The following DPYD variants were observed in gnomAD, a reference collection of about 807,000 sequenced individuals.
DPYD encodes the protein dihydropyrimidine dehydrogenase.
DPYD carries 109 observed loss-of-function variants against 116.2 expected under a neutral mutation model. The ratio of observed to expected loss-of-function variants is 0.94; its 90% confidence interval spans 0.80 to 1.10. The LOEUF is 1.10. Among genes scored for constraint, DPYD ranks in the 50% least tolerant of loss-of-function variants. The probability of loss-of-function intolerance (pLI) is 0.00; values close to 1 mark genes in which losing one functional copy is unlikely to be tolerated. For missense variants in DPYD, 1,302 were observed against 1,254.5 expected, an observed-to-expected ratio of 1.04 and a Z score of -0.57; for synonymous variants, 440 against 432.0, an observed-to-expected ratio of 1.02 and a Z score of -0.23.
At chr1:97,292,948 T>TA (rs1295167762) in intron 18 of DPYD, among the ~76,000 whole-genome samples, 1 of 151,922 alleles carries the variant, frequency 6.6e-6, no homozygotes, top group African/African-American at 2.4e-5. Context: ...TGGAGTAAAC[T>TA]AAAAAAAAGA....
intron 13 of DPYD, among the ~76,000 whole-genome samples, chr1:97,453,764 T>C (rs1174775257): frequency 6.6e-6 from 1 of 152,120 alleles, no homozygotes; most frequent in Non-Finnish European, 1.5e-5. Context: ...TGGTTTATTT[T>C]TCTCTTCTAC....
intron 2 of DPYD, among the ~76,000 whole-genome samples, chr1:97,842,090 G>A (rs2101537138): frequency 6.6e-6 from 1 of 151,864 alleles, no homozygotes; most frequent in South Asian, 2.1e-4. Context: ...TACTATTAGT[G>A]GAATTTCACT....
intron 1 of DPYD, among the ~76,000 whole-genome samples, chr1:97,918,594 C>T (rs1168516267): frequency 1.3e-5 from 2 of 152,112 alleles, no homozygotes; most frequent in Non-Finnish European, 2.9e-5. Context: ...ATATTGGATT[C>T]AGACTAGAAA....
intron 18 of DPYD, among the ~76,000 whole-genome samples, chr1:97,273,116 T>C (rs190556916): frequency 6.6e-6 from 1 of 152,266 alleles, no homozygotes; most frequent in Non-Finnish European, 1.5e-5. Context: ...GCCAAATAGT[T>C]ATTTCAAACA....
chr1:97,868,014 C>A (rs1357653233), intron 2 of DPYD, among the ~76,000 whole-genome samples: 1 of 151,530 alleles, frequency 6.6e-6, no homozygotes, highest in African/African-American at 2.4e-5. Flanking sequence ...TAAACAAATT[C>A]TGTAAATTTA....
Position 97,382,477 on chromosome 1 carries a change from C to A in DPYD, c.1906-16G>T, listed in dbSNP as rs751347612. ...CAATCACAATCTTTAAAAAGAAAAA[C>A]AAAAGAATATAAGTTCAAGTAGTTA... On this transcript the variant is annotated splice_polypyrimidine_tract_variant and intron_variant, in intron 14 of 22. Coordinates refer to ENST00000370192, the MANE Select transcript of DPYD (RefSeq NM_000110.4). The A allele has an allele frequency of 6.5e-7, 1 of 1,530,910 alleles. No individual in the cohort carries two copies. The highest frequency in any genetic ancestry group is 8.9e-7 in the Non-Finnish European group (1 of 1,122,542). The allele number at this position is 1,530,910 out of a possible 1,614,324, so 94.8% of individuals were successfully genotyped here.
At chr1:97,504,750 T>G (rs187756911) in intron 13 of DPYD, among the ~76,000 whole-genome samples, 117 of 152,186 alleles carry the variant, frequency 7.7e-4, no homozygotes, top group Non-Finnish European at 1.3e-3. Context: ...TTAAAATTCA[T>G]TATATTGCTG....
chr1:97,787,224 T>C (rs1035610234), intron 3 of DPYD, among the ~76,000 whole-genome samples: 2 of 152,198 alleles, frequency 1.3e-5, no homozygotes, highest in African/African-American at 4.8e-5. Context: ...GGATACTTGA[T>C]ATTGGCAGTG....
In DPYD at chr1:97,383,485, A is replaced by AG. The variant is rs1481981054; in HGVS notation, c.1906-1025_1906-1024insC. ...AGCGAGACTCTGTCTCAAAAAAAAAAAAAGAAAAAAAGAAAAAAAGAAAAG... is the reference window on the plus strand; with the variant it reads ...AGCGAGACTCTGTCTCAAAAAAAAAAGAAAGAAAAAAAGAAAAAAAGAAAAG... On this transcript the variant is annotated intron_variant, in intron 14 of 22. Coordinates refer to ENST00000370192, the MANE Select transcript of DPYD (RefSeq NM_000110.4). Among the ~76,000 whole-genome samples, 3 of 148,284 alleles carry AG rather than the reference A, an allele frequency of 2.0e-5. No homozygotes were observed. In the East Asian group the frequency reaches 5.9e-4, roughly 29 times the overall value.
chr1:97,500,131 A>G (rs889664952), intron 13 of DPYD, among the ~76,000 whole-genome samples: 1 of 146,794 alleles, frequency 6.8e-6, no homozygotes, highest in South Asian at 2.1e-4. Context: ...GCTACAAAGA[A>G]CAATAAAAAC....
chr1:97,162,020 C>T (rs999647236), intron 20 of DPYD, among the ~76,000 whole-genome samples: 15 of 151,724 alleles, frequency 9.9e-5, no homozygotes, highest in East Asian at 3.9e-4. Context: ...TGAATAGAGC[C>T]GCAATAAACA....
chr1:97,691,336 A>G (rs3790389), intron 7 of DPYD: 21,392 of 179,830 alleles, frequency 0.12, 1,403 homozygotes, highest in Middle Eastern at 0.16. Flanking sequence ...ATAAATCTCC[A>G]TAAGAAATTA....
chr1:97,142,166 A>C (rs971421636), intron 20 of DPYD, among the ~76,000 whole-genome samples: 2 of 152,154 alleles, frequency 1.3e-5, no homozygotes, highest in African/African-American at 4.8e-5. Flanking sequence ...AATTAACAGA[A>C]TCAATCTAGA....
At chr1:97,820,899 G>A (rs139033461) in intron 3 of DPYD, among the ~76,000 whole-genome samples, 4 of 152,228 alleles carry the variant, frequency 2.6e-5, no homozygotes, top group Admixed American at 6.5e-5. Flanking sequence ...GAAATACACT[G>A]TAAAAAACTC....
chr1:97,512,204 T>G (rs1647851700), intron 13 of DPYD, among the ~76,000 whole-genome samples: 1 of 151,942 alleles, frequency 6.6e-6, no homozygotes, highest in Admixed American at 6.6e-5. Flanking sequence ...AGGTTGTGTT[T>G]TACAGAAACA....
chr1:97,377,645 C>T (rs1671710184), intron 15 of DPYD, among the ~76,000 whole-genome samples: 1 of 152,198 alleles, frequency 6.6e-6, no homozygotes, highest in Admixed American at 6.5e-5. Flanking sequence ...AACTCTTGTG[C>T]AACATATACA....
chr1:97,665,031 C>T (rs1391491505), intron 8 of DPYD, among the ~76,000 whole-genome samples: 1 of 152,110 alleles, frequency 6.6e-6, no homozygotes, highest in African/African-American at 2.4e-5. Context: ...GATTAATACT[C>T]TGTCTTTTCT....
At chr1:97,795,128 A>G (rs1237671206) in intron 3 of DPYD, among the ~76,000 whole-genome samples, 2 of 152,102 alleles carry the variant, frequency 1.3e-5, no homozygotes. Flanking sequence ...GAGTCCAGTT[A>G]AAGTCATACT....
Position 97,113,377 on chromosome 1 carries a change from A to G in DPYD, c.2623-14745T>C, listed in dbSNP as rs17116413. Among the ~76,000 whole-genome samples the G allele has an allele frequency of 3.2e-3, 486 of 152,194 alleles. 5 individuals carry two copies. The highest frequency in any genetic ancestry group is 0.011 in the African/African-American group (470 of 41,542). ...GAAAGGAAAGGTAAGAAAAGGTAATAAATTGATCTAGCTGGTTAGTCCTCT... is the reference window on the plus strand; with the variant it reads ...GAAAGGAAAGGTAAGAAAAGGTAATGAATTGATCTAGCTGGTTAGTCCTCT... On this transcript the variant is annotated intron_variant, in intron 20 of 22. Coordinates refer to ENST00000370192, the MANE Select transcript of DPYD (RefSeq NM_000110.4).
Sources: allele counts gnomAD v4.1 joint callset (sites outside exome capture counted in the v4.1 genomes callset), GRCh38; gene constraint gnomAD v4.1.1; transcripts MANE v1.5; gene names NCBI Gene and HGNC (gene_info 2026-07-23, HGNC 2026-07-21).